The following SLC5A11 variants were observed in gnomAD, a reference collection of about 807,000 sequenced individuals.
The protein encoded by SLC5A11 is solute carrier family 5 member 11, also known as sodium/myo-inositol cotransporter 2.
A neutral mutation model predicts 69.8 loss-of-function variants in SLC5A11; 48 were observed. That is an observed-to-expected ratio of 0.69 (90% CI 0.55 to 0.87). The LOEUF (loss-of-function observed/expected upper bound fraction) is 0.87. SLC5A11 is among the 40% of genes least tolerant of loss of function. The probability of loss-of-function intolerance (pLI) is 0.00; values close to 1 mark genes in which losing one functional copy is unlikely to be tolerated. For missense variants in SLC5A11, 784 were observed against 866.1 expected (o/e 0.91, Z 1.19); for synonymous variants, 319 against 342.4 (o/e 0.93, Z 0.75).
chr16:24,858,373 C>A (rs2059621891), intron 1 of SLC5A11, among the ~76,000 whole-genome samples: 1 of 152,082 alleles, frequency 6.6e-6, no homozygotes, highest in Non-Finnish European at 1.5e-5. Flanking sequence ...TCTATTTTGC[C>A]AAGTGAGTGA....
intron 10 of SLC5A11, among the ~76,000 whole-genome samples, chr16:24,900,118 G>A (rs564928040): frequency 5.5e-4 from 83 of 152,254 alleles, no homozygotes; most frequent in Admixed American, 9.2e-4. Context: ...AAATGATACC[G>A]AGGAGGGGCA....
At chr16:24,906,838 A>G in intron 11 of SLC5A11, 74 bp downstream of exon 12, 9 of 1,450,698 alleles carry the variant, frequency 6.2e-6, no homozygotes, top group Non-Finnish European at 8.5e-6. Flanking sequence ...GCTCTGATCC[A>G]AGGCAGGGTC....
chr16:24,906,929 T>C (rs1453138929), intron 11 of SLC5A11, 96 bp from the exon 13 acceptor site: 12 of 1,521,586 alleles, frequency 7.9e-6, no homozygotes, highest in Non-Finnish European at 1.1e-5. Flanking sequence ...TGCCCCGCCG[T>C]CCTCCCTGAG....
chr16:24,902,682 G>A (rs2049730551), intron 10 of SLC5A11, among the ~76,000 whole-genome samples: 2 of 151,768 alleles, frequency 1.3e-5, no homozygotes, highest in Admixed American at 1.3e-4. Context: ...TGGGATTACA[G>A]GCATGCGCCA....
chr16:24,881,343 A>G (rs1467961612), intron 7 of SLC5A11, among the ~76,000 whole-genome samples: 1 of 151,622 alleles, frequency 6.6e-6, no homozygotes, highest in African/African-American at 2.4e-5. Context: ...CTGGAGTGCA[A>G]TGGTGCAATC....
At chr16:24,848,587 G>A in intron 1 of SLC5A11, among the ~76,000 whole-genome samples, 1 of 152,096 alleles carries the variant, frequency 6.6e-6, no homozygotes, top group East Asian at 1.9e-4. Flanking sequence ...TTTAGCCCAG[G>A]CAACAGAGTG....
intron 1 of SLC5A11, among the ~76,000 whole-genome samples, chr16:24,850,110 A>G (rs1645732409): frequency 6.6e-6 from 1 of 151,806 alleles, no homozygotes; most frequent in South Asian, 2.1e-4. Flanking sequence ...GCTAATTTTT[A>G]AAAATTTGTT....
intron 3 of SLC5A11, among the ~76,000 whole-genome samples, chr16:24,862,911 A>AT (rs1008802263): frequency 7.0e-5 from 10 of 143,160 alleles, no homozygotes; most frequent in East Asian, 3.9e-4. Context: ...TATTTATATA[A>AT]ATATATTTAT....
At chr16:24,896,059 CT>C (rs11378871) in intron 9 of SLC5A11, among the ~76,000 whole-genome samples, 1,847 of 144,582 alleles carry the variant, frequency 0.013, 14 homozygotes, top group Non-Finnish European at 0.016. Flanking sequence ...TAAAAAGGCT[CT>C]TTTTTTTTTT....
chr16:24,893,116 C>CAAAAAAAA (rs58331547), intron 9 of SLC5A11, among the ~76,000 whole-genome samples: 54 of 99,104 alleles, frequency 5.4e-4, no homozygotes, highest in South Asian at 1.1e-3. Context: ...ACTAAAAATA[C>CAAAAAAAA]AAAAAAAAAA....
intron 1 of SLC5A11, among the ~76,000 whole-genome samples, chr16:24,855,196 A>G (rs1471176572): frequency 6.6e-6 from 1 of 152,084 alleles, no homozygotes; most frequent in Non-Finnish European, 1.5e-5. Context: ...CTGTCCCCAG[A>G]TTCCTACATT....
chr16:24,880,478 G>C (rs1036493801), intron 7 of SLC5A11, among the ~76,000 whole-genome samples: 2 of 152,134 alleles, frequency 1.3e-5, no homozygotes, highest in African/African-American at 4.8e-5. Flanking sequence ...GGGATTACAG[G>C]CACGTGCCAC....
At chr16:24,908,215 G>A (rs895801107) in intron 13 of SLC5A11, 84 bp downstream of exon 14, 44 of 1,445,942 alleles carry the variant, frequency 3.0e-5, no homozygotes, top group Non-Finnish European at 4.0e-5. Context: ...GGGTGTTGGA[G>A]GGAGACACAG....
exon 16 of SLC5A11, chr16:24,911,494 C>G (rs141077892): frequency 1.9e-6 from 3 of 1,614,106 alleles, no homozygotes; most frequent in Non-Finnish European, 2.5e-6. Context: ...TCATTTTCTG[C>G]GTGAGCTGCG....
chr16:24,860,930 A>G (rs2059742942), intron 2 of SLC5A11, among the ~76,000 whole-genome samples: 1 of 151,976 alleles, frequency 6.6e-6, no homozygotes, highest in Non-Finnish European at 1.5e-5. Flanking sequence ...GATGGTCTCA[A>G]TCTCCTGACC....
chr16:24,904,165 C>T (rs770057306), intron 10 of SLC5A11, among the ~76,000 whole-genome samples: 5 of 152,198 alleles, frequency 3.3e-5, no homozygotes, highest in Non-Finnish European at 5.9e-5. Flanking sequence ...CTCCCTCCCT[C>T]GACATGGGGG....
chr16:24,894,895 C>T lies in SLC5A11; in HGVS notation c.871-3079C>T, dbSNP rs146514199. On this transcript the variant is annotated intron_variant, in intron 9 of 15. Transcript: ENST00000347898. The stretch of plus-strand genomic sequence containing the variant: ...CGCACTTTGGGAGGCTGTGAGAAGA[C>T]GATTGCTTGAGCCCAGGGATTTGAA... Among the ~76,000 whole-genome samples the T allele has an allele frequency of 5.9e-5, 9 of 152,204 alleles. No individual in the cohort carries two copies. In the South Asian group the frequency reaches 6.2e-4, roughly 11 times the overall value.
chr16:24,873,952 A>G (rs2047502581), intron 5 of SLC5A11, among the ~76,000 whole-genome samples: 1 of 150,008 alleles, frequency 6.7e-6, no homozygotes, highest in Non-Finnish European at 1.5e-5. Flanking sequence ...TCAACCTCCC[A>G]AGTAGCTGGG....
At chr16:24,884,513 G>GTTTTTTTTTT (rs10572531) in intron 8 of SLC5A11, among the ~76,000 whole-genome samples, 1 of 110,272 alleles carries the variant, frequency 9.1e-6, no homozygotes, top group Non-Finnish European at 1.9e-5. Flanking sequence ...TTTTTATTTT[G>GTTTTTTTTTT]TTTTTTTTTT....
Sources: allele counts gnomAD v4.1 joint callset (sites outside exome capture counted in the v4.1 genomes callset), GRCh38; gene constraint gnomAD v4.1.1; transcripts MANE v1.5; gene names NCBI Gene and HGNC (gene_info 2026-07-23, HGNC 2026-07-21).